ENTREP1: variants seen among roughly 807,000 people sequenced by gnomAD.
ENTREP1 encodes the protein endosomal transmembrane epsin interactor 1.
the ENTREP1 span, among the ~76,000 whole-genome samples, chr9:69,385,318 G>A: frequency 5.9e-5 from 9 of 152,120 alleles, no homozygotes; most frequent in Non-Finnish European, 1.2e-4. Context: ...GGGGTTTTAC[G>A]GATTTGTTTA....
At chr9:69,378,682 C>T in the ENTREP1 span, among the ~76,000 whole-genome samples, 2 of 151,834 alleles carry the variant, frequency 1.3e-5, no homozygotes, top group African/African-American at 4.8e-5. Flanking sequence ...TGGCATGAAC[C>T]TGGGAGGTGG....
chr9:69,327,329 G>C, the ENTREP1 span, among the ~76,000 whole-genome samples: 1 of 152,266 alleles, frequency 6.6e-6, no homozygotes, highest in South Asian at 2.1e-4. Context: ...GTAGGAATTA[G>C]ACCCGTTATG....
the ENTREP1 span, among the ~76,000 whole-genome samples, chr9:69,361,240 A>AT: frequency 8.0e-3 from 1,214 of 152,280 alleles, 8 homozygotes; most frequent in Middle Eastern, 0.041. Context: ...AGATACAGAA[A>AT]TTTTCCAGTG....
chr9:69,331,359 G>A, the ENTREP1 span, among the ~76,000 whole-genome samples: 15 of 152,214 alleles, frequency 9.9e-5, 1 homozygote, highest in South Asian at 6.2e-4. Context: ...TGGTTTTTAC[G>A]TTGGAAAATG....
chr9:69,390,023 G>C, the ENTREP1 span, among the ~76,000 whole-genome samples: 1 of 152,226 alleles, frequency 6.6e-6, no homozygotes, highest in South Asian at 2.1e-4. Flanking sequence ...AAGGAGACCA[G>C]TTATTTCTGA....
chr9:69,340,572 A>G, the ENTREP1 span, among the ~76,000 whole-genome samples: 1 of 141,388 alleles, frequency 7.1e-6, no homozygotes, highest in Non-Finnish European at 1.6e-5. Context: ...TATGACTAAG[A>G]ATAAGCTAGG....
the ENTREP1 span, chr9:69,325,273 GCCGGCCGCAC>G: frequency 0.85 from 962,590 of 1,136,888 alleles, 408,946 homozygotes; most frequent in African/African-American, 0.96. Flanking sequence ...GCCCGCCGCA[GCCGGCCGCAC>G]CCGGCCGCAC....
At chr9:69,333,547 C>T in the ENTREP1 span, among the ~76,000 whole-genome samples, 10 of 152,098 alleles carry the variant, frequency 6.6e-5, no homozygotes, top group Non-Finnish European at 1.5e-4. Flanking sequence ...TCAAGTATTC[C>T]GCCTGCCTTG....
chr9:69,375,776 A>T, the ENTREP1 span: 1 of 1,613,916 alleles, frequency 6.2e-7, no homozygotes, highest in Non-Finnish European at 8.5e-7. Context: ...TGTTGTGAAG[A>T]ATTTCAACCA....
the ENTREP1 span, among the ~76,000 whole-genome samples, chr9:69,373,701 G>A: frequency 7.2e-5 from 11 of 152,032 alleles, no homozygotes; most frequent in South Asian, 1.7e-3. Flanking sequence ...AGTCCTAAGC[G>A]GAGTAGGTTC....
the ENTREP1 span, among the ~76,000 whole-genome samples, chr9:69,326,829 G>A: frequency 2.8e-4 from 6 of 21,454 alleles, no homozygotes; most frequent in Admixed American, 2.6e-3. Flanking sequence ...CTCCCAAAGT[G>A]TGGGGATTAG....
the ENTREP1 span, among the ~76,000 whole-genome samples, chr9:69,340,666 C>T: frequency 3.3e-4 from 36 of 108,650 alleles, no homozygotes; most frequent in South Asian, 7.0e-4. Flanking sequence ...TGTGTGTGTG[C>T]GTGTGTGTGT....
chr9:69,352,621 A>G, the ENTREP1 span, among the ~76,000 whole-genome samples: 1 of 152,208 alleles, frequency 6.6e-6, no homozygotes, highest in South Asian at 2.1e-4. Context: ...GATTTGCCCA[A>G]GGTCACATAG....
the ENTREP1 span, among the ~76,000 whole-genome samples, chr9:69,326,826 AGT>A: frequency 0.64 from 96,443 of 151,562 alleles, 31,355 homozygotes; most frequent in South Asian, 0.74. Context: ...GGCCTCCCAA[AGT>A]GTGGGGATTA....
At chr9:69,385,764 T>A in the ENTREP1 span, 26,276 of 280,060 alleles carry the variant, frequency 0.094, 330 homozygotes, top group Non-Finnish European at 0.11. Flanking sequence ...GTTTCGCCTC[T>A]TTTTTTTTTT....
the ENTREP1 span, among the ~76,000 whole-genome samples, chr9:69,329,168 C>G: frequency 2.0e-5 from 3 of 152,150 alleles, no homozygotes; most frequent in African/African-American, 7.2e-5. Flanking sequence ...ACTTCAAACC[C>G]ACATAGGAAC....
chr9:69,377,302 A>T, the ENTREP1 span: 1 of 948,872 alleles, frequency 1.1e-6, no homozygotes, highest in Non-Finnish European at 1.7e-6. Context: ...TATTTTAAAG[A>T]TTTTCTACAT....
At chr9:69,390,112 C>A in the ENTREP1 span, among the ~76,000 whole-genome samples, 2 of 152,246 alleles carry the variant, frequency 1.3e-5, no homozygotes, top group African/African-American at 4.8e-5. Flanking sequence ...TCCTAACTTA[C>A]TATGTAGCAC....
the ENTREP1 span, among the ~76,000 whole-genome samples, chr9:69,360,637 T>C: frequency 6.6e-6 from 1 of 152,206 alleles, no homozygotes; most frequent in African/African-American, 2.4e-5. Context: ...TTCTGTCACT[T>C]TCATCCTTCC....
Sources: allele counts gnomAD v4.1 joint callset (sites outside exome capture counted in the v4.1 genomes callset), GRCh38; gene constraint gnomAD v4.1.1; transcripts MANE v1.5; gene names NCBI Gene and HGNC (gene_info 2026-07-23, HGNC 2026-07-21).